SLC11A2: variants seen among roughly 807,000 people sequenced by gnomAD.
SLC11A2 encodes natural resistance-associated macrophage protein 2.
SLC11A2 carries 38 observed loss-of-function variants against 68.0 expected under a neutral mutation model. That is an observed-to-expected ratio of 0.56 (90% CI 0.43 to 0.73). The LOEUF is 0.73. SLC11A2 is among the 30% of genes least tolerant of loss of function. The pLI is 0.00. For missense variants in SLC11A2, 517 were observed against 690.5 expected (o/e 0.75, Z 2.82); for synonymous variants, 242 against 250.6 (o/e 0.97, Z 0.32).
At chr12:51,026,482 A>T (rs1025165532), upstream of SLC11A2, 20 of 649,040 alleles carry the variant, frequency 3.1e-5, no homozygotes, top group Non-Finnish European at 4.7e-5. Context: ...CGTGGCCCGC[A>T]GACCAGGGAC....
At chr12:51,025,268 TAAC>T (rs1006356500) in intron 1 of SLC11A2, among the ~76,000 whole-genome samples, 1 of 152,186 alleles carries the variant, frequency 6.6e-6, no homozygotes, top group African/African-American at 2.4e-5. Context: ...GGAAAGAAGG[TAAC>T]AACAACAAAA....
upstream of SLC11A2, among the ~76,000 whole-genome samples, chr12:51,027,415 C>A (rs186559791): frequency 1.3e-3 from 192 of 152,106 alleles, 4 homozygotes; most frequent in Admixed American, 9.7e-3. Context: ...GCTGCCCCAC[C>A]AAGAGCACCC....
intron 11 of SLC11A2, 87 bp from the exon 12 acceptor site, chr12:50,993,016 C>T: frequency 6.5e-7 from 1 of 1,527,068 alleles, no homozygotes; most frequent in Non-Finnish European, 9.0e-7. Flanking sequence ...GGCATTTCTC[C>T]CTTCTTTGCT....
chr12:50,972,626 G>T, the SLC11A2 span, among the ~76,000 whole-genome samples: 3 of 152,224 alleles, frequency 2.0e-5, no homozygotes, highest in Non-Finnish European at 1.5e-5. Context: ...TCTCACTGGG[G>T]ATTGTCAGAC....
At position 50,996,782 on chromosome 12, in the gene SLC11A2, G is replaced by C. The variant is rs752995135; in HGVS notation, c.831+35C>G. ...ATTGAAGGAAAAGATCCCATGAACT[G>C]TCTAGGAGGTGAAGGAGATAAGGGC... On this transcript the variant is annotated intron_variant, in intron 9 of 15. Transcript: ENST00000262052. 5.6e-6 allele frequency: 9 copies of C among 1,606,500 alleles called. No individual in the cohort carries two copies. The Admixed American group carries it at 1.5e-4, about 27-fold the overall frequency.
rs559045140 is a variant in SLC11A2 at position 50,986,094 on chromosome 12, T to C, written c.*2231A>G. ...CACTCCTAACACCACTAGCAGAACC[T>C]CAAGGGAGCCAAGAGCTCTTCCCTT... On this transcript the variant is annotated 3_prime_UTR_variant, in exon 16 of 16. Transcript: ENST00000262052. The C allele has an allele frequency of 4.2e-5, 54 of 1,286,642 alleles. No individual in the cohort carries two copies. The African/African-American group carries it at 7.6e-4, about 18-fold the overall frequency. 79.7% of individuals were successfully genotyped at this position (1,286,642 alleles called of 1,614,324 possible). A position where few individuals can be genotyped will look rare whatever the true frequency, so the allele number is the denominator to read the frequency against.
chr12:50,958,701 G>C, the SLC11A2 span, among the ~76,000 whole-genome samples: 1 of 150,732 alleles, frequency 6.6e-6, no homozygotes. Flanking sequence ...CAAATGCAGG[G>C]ATTAATGGGA....
downstream of SLC11A2, chr12:50,981,506 C>A: frequency 2.2e-6 from 1 of 457,532 alleles, no homozygotes; most frequent in South Asian, 2.4e-5. Context: ...AGAGGCCAAT[C>A]GTTTAACTCT....
the SLC11A2 span, chr12:50,953,783 A>G: frequency 8.4e-6 from 4 of 474,968 alleles, no homozygotes; most frequent in African/African-American, 8.2e-5. Flanking sequence ...CATTTCCTCT[A>G]TGTATTTTTT....
At chr12:51,003,764 CAA>C (rs34667457) in intron 5 of SLC11A2, among the ~76,000 whole-genome samples, 17 of 66,838 alleles carry the variant, frequency 2.5e-4, no homozygotes, top group Non-Finnish European at 3.3e-4. Context: ...CTCATCTCCA[CAA>C]AAAAAAAAAA....
downstream of SLC11A2, among the ~76,000 whole-genome samples, chr12:50,974,632 C>T (rs1279259311): frequency 2.0e-5 from 3 of 152,134 alleles, no homozygotes; most frequent in African/African-American, 4.8e-5. Context: ...CAAATTCACA[C>T]ATAACAATAT....
intron 1 of SLC11A2, among the ~76,000 whole-genome samples, chr12:51,023,911 A>T (rs375534212): frequency 6.6e-6 from 1 of 151,762 alleles, no homozygotes; most frequent in African/African-American, 2.4e-5. Context: ...GAATCACTTG[A>T]GCCTGGGAGG....
intron 1 of SLC11A2, among the ~76,000 whole-genome samples, chr12:51,012,216 G>A (rs1445108920): frequency 2.0e-5 from 3 of 152,170 alleles, no homozygotes; most frequent in Non-Finnish European, 4.4e-5. Context: ...TGGGGCGGGT[G>A]GAGTCAGGGG....
At chr12:51,010,589 TAGATGATGAC>T (rs1446962559) in intron 2 of SLC11A2, 96 bp downstream of exon 2, 12 of 706,950 alleles carry the variant, frequency 1.7e-5, no homozygotes, top group Non-Finnish European at 2.9e-5. Flanking sequence ...GTTGTTAGAA[TAGATGATGAC>T]AGATGATGAC....
At chr12:50,984,252 G>A (rs1940330993), downstream of SLC11A2, among the ~76,000 whole-genome samples, 1 of 152,180 alleles carries the variant, frequency 6.6e-6, no homozygotes, top group Admixed American at 6.5e-5. Flanking sequence ...TGATGACTGT[G>A]TGAAGACAGA....
chr12:50,962,052 A>G, the SLC11A2 span, among the ~76,000 whole-genome samples: 1 of 152,202 alleles, frequency 6.6e-6, no homozygotes, highest in Non-Finnish European at 1.5e-5. Flanking sequence ...AGACCAAGAA[A>G]GAAAGAAGAC....
chr12:51,028,693 G>T (rs1399446183), upstream of SLC11A2: 3 of 155,668 alleles, frequency 1.9e-5, no homozygotes, highest in African/African-American at 7.2e-5. Flanking sequence ...GCCTGACAGT[G>T]CACTTGTATT....
At chr12:50,990,750 A>G in intron 15 of SLC11A2, 45 bp downstream of exon 15, 1 of 1,605,476 alleles carries the variant, frequency 6.2e-7, no homozygotes, top group Non-Finnish European at 8.5e-7. Flanking sequence ...CCCCACCTCA[A>G]CCATCCCTGA....
the SLC11A2 span, among the ~76,000 whole-genome samples, chr12:50,972,848 C>T: frequency 7.1e-3 from 1,074 of 152,332 alleles, 20 homozygotes; most frequent in African/African-American, 0.024. Context: ...GATTATATCC[C>T]GCGCATGGCT....
Sources: allele counts gnomAD v4.1 joint callset (sites outside exome capture counted in the v4.1 genomes callset), GRCh38; gene constraint gnomAD v4.1.1; transcripts MANE v1.5; gene names NCBI Gene and HGNC (gene_info 2026-07-23, HGNC 2026-07-21).